The following GRIN2A variants were observed in gnomAD, a reference collection of about 807,000 sequenced individuals.
GRIN2A encodes the protein glutamate ionotropic receptor NMDA type subunit 2A.
GRIN2A carries 22 observed loss-of-function variants against 113.4 expected under a neutral mutation model. The observed-to-expected ratio is 0.19, with a 90% CI of 0.14 to 0.28. GRIN2A has a LOEUF of 0.28. Ranked by LOEUF, GRIN2A falls within the 10% of genes least tolerant of loss-of-function variation. The probability of loss-of-function intolerance (pLI) is 1.00; values close to 1 mark genes in which losing one functional copy is unlikely to be tolerated. For synonymous variants in GRIN2A, 827 were observed against 738.4 expected (o/e 1.12, Z -1.94); for missense variants, 1,502 against 1,887.0 (o/e 0.80, Z 3.78).
At chr16:9,868,279 T>C (rs2043195769) in intron 4 of GRIN2A, among the ~76,000 whole-genome samples, 1 of 152,132 alleles carries the variant, frequency 6.6e-6, no homozygotes, top group African/African-American at 2.4e-5. Flanking sequence ...TTATTTTTTA[T>C]TTTTTTGAGA....
chr16:9,980,624 T>C (rs2045872726), intron 2 of GRIN2A, among the ~76,000 whole-genome samples: 1 of 152,076 alleles, frequency 6.6e-6, no homozygotes, highest in Non-Finnish European at 1.5e-5. Flanking sequence ...TAAGAAAATG[T>C]GGCACATATA....
chr16:10,132,114 T>C (rs997110681), intron 2 of GRIN2A, among the ~76,000 whole-genome samples: 1 of 152,096 alleles, frequency 6.6e-6, no homozygotes, highest in Non-Finnish European at 1.5e-5. Context: ...GGCAGATCAC[T>C]TGAAGTCAGG....
At chr16:9,968,452 T>G (rs890641295) in intron 2 of GRIN2A, among the ~76,000 whole-genome samples, 4 of 152,078 alleles carry the variant, frequency 2.6e-5, no homozygotes, top group Non-Finnish European at 5.9e-5. Context: ...TAGCTGGAAT[T>G]ACAGGCATGC....
At chr16:10,132,508 G>A (rs941714100) in intron 2 of GRIN2A, among the ~76,000 whole-genome samples, 2 of 152,094 alleles carry the variant, frequency 1.3e-5, no homozygotes, top group East Asian at 1.9e-4. Context: ...GCCACACATT[G>A]AGCTATGTCG....
At chr16:9,995,439 G>A (rs78466681) in intron 2 of GRIN2A, among the ~76,000 whole-genome samples, 3,850 of 152,274 alleles carry the variant, frequency 0.025, 91 homozygotes, top group Middle Eastern at 0.088. Flanking sequence ...AGACAAGAAG[G>A]TTGTTGCTGT....
At chr16:9,912,429 A>G (rs1165793515) in intron 3 of GRIN2A, among the ~76,000 whole-genome samples, 1 of 150,796 alleles carries the variant, frequency 6.6e-6, no homozygotes, top group Admixed American at 6.6e-5. Context: ...GCCCCTGATG[A>G]AATGCATATA....
At chr16:9,942,021 T>A (rs2044892559) in intron 2 of GRIN2A, among the ~76,000 whole-genome samples, 2 of 152,162 alleles carry the variant, frequency 1.3e-5, no homozygotes, top group African/African-American at 4.8e-5. Context: ...GTTGTAGGAA[T>A]TAAATGATTC....
intron 2 of GRIN2A, among the ~76,000 whole-genome samples, chr16:10,162,085 C>T (rs931077063): frequency 6.6e-6 from 1 of 152,122 alleles, no homozygotes; most frequent in Non-Finnish European, 1.5e-5. Context: ...GTGGTGGGGA[C>T]ATGATTCTGC....
At chr16:9,783,697 C>G (rs999544930) in intron 11 of GRIN2A, among the ~76,000 whole-genome samples, 1 of 152,142 alleles carries the variant, frequency 6.6e-6, no homozygotes, top group Non-Finnish European at 1.5e-5. Context: ...GGCAAAGATT[C>G]AATATCATGG....
In GRIN2A at chr16:9,764,627, CCTT is replaced by C; in HGVS notation, c.2914_2916del (p.Lys972del). The C allele has an allele frequency of 6.2e-7, 1 of 1,614,144 alleles. No individual in the cohort carries two copies. The highest frequency in any genetic ancestry group is 8.5e-7 in the Non-Finnish European group (1 of 1,180,016). On this transcript the variant is annotated inframe_deletion, in exon 13 of 13. Coordinates refer to ENST00000330684, the MANE Select transcript of GRIN2A (RefSeq NM_001134407.3). ...TGGAATACATAGTTATTGAGGTTATCCTTCTGCCGGTTGGCCACAAATGTTTGG... is the reference window on the plus strand; with the variant it reads ...TGGAATACATAGTTATTGAGGTTATCCTGCCGGTTGGCCACAAATGTTTGG...
rs566492942 is a variant in GRIN2A, at chr16:9,820,363, A to C, written c.2168+1901T>G. 6.7e-4 allele frequency among the ~76,000 whole-genome samples: 102 copies of C among 152,324 alleles called. 1 individual carries two copies. The highest frequency in any genetic ancestry group is 2.4e-3 in the African/African-American group (101 of 41,582). On this transcript the variant is annotated intron_variant, in intron 10 of 12. Coordinates refer to ENST00000330684, the MANE Select transcript of GRIN2A (RefSeq NM_001134407.3). ...ATCCCAAACCCATGGCTAAACTGTA[A>C]AGTCATCAACAATTGGTCTTTTCAG...
intron 10 of GRIN2A, chr16:9,805,421 T>G (rs2041947154): frequency 6.6e-6 from 1 of 152,208 alleles, no homozygotes; most frequent in Non-Finnish European, 1.5e-5. Flanking sequence ...TGAGTGTGTG[T>G]GTGTGTTACT....
intron 2 of GRIN2A, among the ~76,000 whole-genome samples, chr16:10,179,271 G>A (rs538223599): frequency 7.2e-5 from 11 of 152,292 alleles, no homozygotes; most frequent in African/African-American, 2.6e-4. Context: ...TCCTTCATCT[G>A]AGGGCCTTGG....
At chr16:9,812,078 C>T (rs28469338) in intron 10 of GRIN2A, among the ~76,000 whole-genome samples, 2,108 of 152,124 alleles carry the variant, frequency 0.014, 54 homozygotes, top group African/African-American at 0.048. Flanking sequence ...CCATTAGAAA[C>T]GGCCTTAATT....
intron 2 of GRIN2A, among the ~76,000 whole-genome samples, chr16:9,964,438 T>G (rs111422012): frequency 0.014 from 2,150 of 152,308 alleles, 57 homozygotes; most frequent in African/African-American, 0.048. Flanking sequence ...ATTGCTGCTA[T>G]GACAAATTAC....
intron 2 of GRIN2A, among the ~76,000 whole-genome samples, chr16:10,136,394 G>A (rs1423009319): frequency 6.6e-6 from 1 of 152,102 alleles, no homozygotes; most frequent in Non-Finnish European, 1.5e-5. Flanking sequence ...TTGCAACTAG[G>A]TGCTAATGAA....
chr16:10,019,082 C>T (rs36169339), intron 2 of GRIN2A, among the ~76,000 whole-genome samples: 16,223 of 146,268 alleles, frequency 0.11, 969 homozygotes, highest in Middle Eastern at 0.15. Flanking sequence ...AAACTGAATC[C>T]CAACGTAAGT....
At chr16:9,861,969 A>G (rs1455100016) in intron 4 of GRIN2A, among the ~76,000 whole-genome samples, 2 of 152,182 alleles carry the variant, frequency 1.3e-5, no homozygotes, top group African/African-American at 4.8e-5. Flanking sequence ...CTTTCCTGGA[A>G]GCTGATTAAG....
intron 2 of GRIN2A, among the ~76,000 whole-genome samples, chr16:10,044,022 TAG>T (rs1555469980): frequency 7.0e-4 from 75 of 107,868 alleles, no homozygotes; most frequent in Admixed American, 4.3e-4. Flanking sequence ...TATATATATA[TAG>T]AGAGAGAGAG....
Sources: gnomAD v4.1 joint callset for allele counts (sites outside exome capture counted in the v4.1 genomes callset) on GRCh38, gnomAD v4.1.1 for gene constraint, MANE v1.5 for transcripts, NCBI Gene and HGNC (gene_info 2026-07-23, HGNC 2026-07-21) for gene names.